ADAMTS12: variants seen among roughly 807,000 people sequenced by gnomAD.
The protein encoded by ADAMTS12 is ADAM metallopeptidase with thrombospondin type 1 motif 12, also known as A disintegrin and metalloproteinase with thrombospondin motifs 12.
A neutral mutation model predicts 167.8 loss-of-function variants in ADAMTS12; 118 were observed. The observed-to-expected ratio is 0.70, with a 90% CI of 0.61 to 0.82. ADAMTS12 has a LOEUF of 0.82. ADAMTS12 is among the 40% of genes least tolerant of loss of function. ADAMTS12 has a pLI of 0.00. For missense variants in ADAMTS12, 1,916 were observed against 1,998.8 expected, an observed-to-expected ratio of 0.96 and a Z score of 0.79; for synonymous variants, 704 against 716.9, an observed-to-expected ratio of 0.98 and a Z score of 0.29.
chr5:33,574,411 G>A (rs1484462628), intron 19 of ADAMTS12, among the ~76,000 whole-genome samples: 8 of 152,080 alleles, frequency 5.3e-5, no homozygotes, highest in Non-Finnish European at 7.3e-5. Flanking sequence ...GGAATACTAC[G>A]CAGTCATAAA....
rs1740777850 is a variant in ADAMTS12 at position 33,648,917 on chromosome 5, T to C, written c.1384A>G (p.Lys462Glu). 1 of 1,613,926 alleles carries C rather than the reference T, an allele frequency of 6.2e-7. No individual in the cohort carries two copies. The highest frequency in any genetic ancestry group is 8.5e-7 in the Non-Finnish European group (1 of 1,179,954). ...ACTCCGGGGGCAATGACCTTGGACTTCAAGCCTTTCTTTTTAGGTATGTCA... is the reference window on the plus strand; with the variant it reads ...ACTCCGGGGGCAATGACCTTGGACTCCAAGCCTTTCTTTTTAGGTATGTCA... ...LDDIPKKKGL[K>E]SKVIAPGVIY... The change falls in exon 9 of 24, where the codon AAG becomes GAG. Residue 462 changes from lysine (K) to glutamate (E), a missense_variant. Lys to Glu is a moderately conservative substitution (Grantham distance 56). Transcript: ENST00000504830.
At chr5:33,658,075 TA>T in intron 7 of ADAMTS12, 108 bp downstream of exon 7, 1 of 1,379,284 alleles carries the variant, frequency 7.3e-7, no homozygotes, top group Non-Finnish European at 1.0e-6. Flanking sequence ...AGCCACAGTA[TA>T]ATCTGAGTCT....
At chr5:33,868,602 A>C (rs2111724900) in intron 2 of ADAMTS12, among the ~76,000 whole-genome samples, 1 of 152,332 alleles carries the variant, frequency 6.6e-6, no homozygotes, top group Non-Finnish European at 1.5e-5. Flanking sequence ...TATAAGGAGC[A>C]AAATGTTCAA....
At chr5:33,711,097 T>C (rs567954509) in intron 3 of ADAMTS12, among the ~76,000 whole-genome samples, 60 of 152,284 alleles carry the variant, frequency 3.9e-4, no homozygotes, top group African/African-American at 1.4e-3. Context: ...TCAAATACCA[T>C]GTCCTACCCC....
chr5:33,655,090 T>C (rs1741004850), intron 7 of ADAMTS12, among the ~76,000 whole-genome samples: 1 of 152,120 alleles, frequency 6.6e-6, no homozygotes, highest in African/African-American at 2.4e-5. Context: ...TTTTTCATCA[T>C]ACTTAGTAGA....
chr5:33,664,739 G>A (rs1211842558), intron 5 of ADAMTS12, among the ~76,000 whole-genome samples: 1 of 152,010 alleles, frequency 6.6e-6, no homozygotes, highest in African/African-American at 2.4e-5. Context: ...ACAGCATGGA[G>A]GTTTCTCAAA....
chr5:33,709,560 A>C (rs566898929), intron 3 of ADAMTS12, among the ~76,000 whole-genome samples: 2 of 152,340 alleles, frequency 1.3e-5, no homozygotes, highest in African/African-American at 4.8e-5. Flanking sequence ...TTGCAGGGAC[A>C]TGGATGGAAC....
chr5:33,694,033 A>G (rs1406064331), intron 3 of ADAMTS12, among the ~76,000 whole-genome samples: 2 of 152,220 alleles, frequency 1.3e-5, no homozygotes, highest in African/African-American at 4.8e-5. Flanking sequence ...GAATCAAATT[A>G]AGAAAGCAAT....
chr5:33,767,737 C>T (rs568483317), intron 2 of ADAMTS12, among the ~76,000 whole-genome samples: 4 of 151,476 alleles, frequency 2.6e-5, no homozygotes, highest in South Asian at 2.1e-4. Context: ...CCAGGTAAAG[C>T]GGCTAAAGGC....
chr5:33,764,579 TG>T (rs1745465773), intron 2 of ADAMTS12, among the ~76,000 whole-genome samples: 1 of 152,204 alleles, frequency 6.6e-6, no homozygotes, highest in South Asian at 2.1e-4. Context: ...AATAACATAG[TG>T]GAAAAAGAAT....
At chr5:33,770,003 T>C (rs1347164043) in intron 2 of ADAMTS12, among the ~76,000 whole-genome samples, 1 of 152,214 alleles carries the variant, frequency 6.6e-6, no homozygotes, top group African/African-American at 2.4e-5. Context: ...ATCACAATGA[T>C]GCTGTATGAA....
chr5:33,688,655 G>A (rs1561215677), intron 3 of ADAMTS12, among the ~76,000 whole-genome samples: 1 of 152,294 alleles, frequency 6.6e-6, no homozygotes, highest in East Asian at 1.9e-4. Flanking sequence ...GTGCTAGGGA[G>A]CAAAGAAACT....
chr5:33,711,479 T>TGTCAG (rs1339444480), intron 3 of ADAMTS12, among the ~76,000 whole-genome samples: 2 of 152,106 alleles, frequency 1.3e-5, no homozygotes, highest in East Asian at 3.9e-4. Context: ...CAGCTGGCCC[T>TGTCAG]GTCAGGTCTC....
At chr5:33,768,334 T>C (rs1466713306) in intron 2 of ADAMTS12, among the ~76,000 whole-genome samples, 2 of 152,206 alleles carry the variant, frequency 1.3e-5, no homozygotes, top group African/African-American at 4.8e-5. Context: ...GGGGTGATTT[T>C]TTAATACCTC....
chr5:33,566,321 C>T (rs533911861), intron 19 of ADAMTS12, among the ~76,000 whole-genome samples: 1 of 152,240 alleles, frequency 6.6e-6, no homozygotes, highest in East Asian at 1.9e-4. Flanking sequence ...AAAAAATTAT[C>T]TAGGTGCAGT....
Position 33,648,915 on chromosome 5 carries a change from C to T in ADAMTS12, c.1386G>A (p.Lys462=). The change falls in exon 9 of 24, where the codon AAG becomes AAA. Residue 462 remains lysine, a synonymous_variant. Transcript: ENST00000504830. The part of the protein sequence containing the change: ...LDDIPKKKGL[K]SKVIAPGVIY... The stretch of plus-strand genomic sequence containing the variant: ...TCACTCCGGGGGCAATGACCTTGGA[C>T]TTCAAGCCTTTCTTTTTAGGTATGT... The T allele has an allele frequency of 6.2e-7, 1 of 1,614,092 alleles. No individual in the cohort carries two copies. The highest frequency in any genetic ancestry group is 8.5e-7 in the Non-Finnish European group (1 of 1,179,962).
At chr5:33,549,598 C>A (rs573057207) in intron 20 of ADAMTS12, among the ~76,000 whole-genome samples, 2 of 152,236 alleles carry the variant, frequency 1.3e-5, no homozygotes, top group African/African-American at 4.8e-5. Flanking sequence ...TTCTGCCACT[C>A]GCTAGTCTTG....
chr5:33,540,236 G>A (rs1025444545), intron 22 of ADAMTS12, among the ~76,000 whole-genome samples: 1 of 152,230 alleles, frequency 6.6e-6, no homozygotes, highest in African/African-American at 2.4e-5. Context: ...AAATGGTGAG[G>A]TGACAACCTA....
At chr5:33,806,993 C>A (rs1747261492) in intron 2 of ADAMTS12, among the ~76,000 whole-genome samples, 1 of 152,168 alleles carries the variant, frequency 6.6e-6, no homozygotes, top group East Asian at 1.9e-4. Context: ...TCGTGTCATA[C>A]CCCTGTTAAA....
Sources: gnomAD v4.1 joint callset for allele counts (sites outside exome capture counted in the v4.1 genomes callset) on GRCh38, gnomAD v4.1.1 for gene constraint, MANE v1.5 for transcripts, NCBI Gene and HGNC (gene_info 2026-07-23, HGNC 2026-07-21) for gene names.